Variants in TANC2 observed in about 807,000 individuals in gnomAD.
TANC2 encodes tetratricopeptide repeat, ankyrin repeat and coiled-coil containing 2, also known as protein TANC2.
A neutral mutation model predicts 210.5 loss-of-function variants in TANC2; 26 were observed. The ratio of observed to expected loss-of-function variants is 0.12; its 90% CI spans 0.09 to 0.17. The LOEUF (loss-of-function observed/expected upper bound fraction) is 0.17. TANC2 is among the 10% of genes least tolerant of loss of function. TANC2 has a pLI of 1.00. For synonymous variants in TANC2, 931 were observed against 967.1 expected (o/e 0.96, Z 0.69); for missense variants, 2,129 against 2,608.9 (o/e 0.82, Z 4.01).
chr17:63,359,026 A>T (rs935671437), intron 14 of TANC2, among the ~76,000 whole-genome samples: 1 of 149,542 alleles, frequency 6.7e-6, no homozygotes, highest in Non-Finnish European at 1.5e-5. Context: ...GCCAGAGATT[A>T]AAAGACTACT....
At chr17:63,159,124 A>G (rs368271198) in intron 5 of TANC2, among the ~76,000 whole-genome samples, 1 of 152,298 alleles carries the variant, frequency 6.6e-6, no homozygotes. Context: ...GTGACATTCT[A>G]TCACTTTTTG....
At chr17:62,997,864 G>C (rs900753243) in intron 1 of TANC2, among the ~76,000 whole-genome samples, 16 of 152,074 alleles carry the variant, frequency 1.1e-4, no homozygotes, top group Non-Finnish European at 2.2e-4. Flanking sequence ...GAGAATAAAA[G>C]TAATATAAAA....
intron 9 of TANC2, among the ~76,000 whole-genome samples, chr17:63,309,022 A>G (rs974630397): frequency 8.5e-5 from 13 of 152,128 alleles, no homozygotes; most frequent in Non-Finnish European, 1.8e-4. Flanking sequence ...CTACTGTTTT[A>G]CTAAATTTTA....
Position 63,385,012 on chromosome 17 carries a change from G to A in TANC2, c.2692-3623G>A, listed in dbSNP as rs564724049. Among the ~76,000 whole-genome samples the A allele has an allele frequency of 1.2e-3, 178 of 152,208 alleles. 1 individual carries two copies. Among genetic ancestry groups the A allele is most frequent in the African/African-American group, 4.1e-3 (171 of 41,534 alleles). ...GAACTTTAGAGTAAAAACAGATTTGGCCTCTAATTCTAGCTCCAGGAGTTG... is the reference window on the plus strand; with the variant it reads ...GAACTTTAGAGTAAAAACAGATTTGACCTCTAATTCTAGCTCCAGGAGTTG... On this transcript the variant is annotated intron_variant, in intron 15 of 27. Coordinates refer to ENST00000689528, the Ensembl canonical transcript of TANC2.
chr17:63,039,102 G>T (rs184098771), intron 2 of TANC2, among the ~76,000 whole-genome samples: 2 of 152,224 alleles, frequency 1.3e-5, no homozygotes, highest in African/African-American at 4.8e-5. Flanking sequence ...AGGAAGGCCT[G>T]TTTATGCATT....
chr17:63,101,846 A>T (rs1378596912), intron 4 of TANC2, among the ~76,000 whole-genome samples: 1 of 152,198 alleles, frequency 6.6e-6, no homozygotes, highest in Non-Finnish European at 1.5e-5. Flanking sequence ...TTTTCAATTT[A>T]AGAAGGAGCC....
chr17:63,150,654 T>G (rs1005257524), intron 4 of TANC2: 6 of 152,208 alleles, frequency 3.9e-5, no homozygotes, highest in African/African-American at 1.4e-4. Flanking sequence ...TTTTGACTTC[T>G]TACATTAATA....
intron 5 of TANC2, among the ~76,000 whole-genome samples, chr17:63,175,789 A>G (rs1166770158): frequency 6.6e-6 from 1 of 152,224 alleles, no homozygotes; most frequent in Non-Finnish European, 1.5e-5. Context: ...TTGATCCAAA[A>G]TAAATAAACC....
At chr17:63,211,584 T>C (rs2041886411) in intron 7 of TANC2, among the ~76,000 whole-genome samples, 1 of 152,156 alleles carries the variant, frequency 6.6e-6, no homozygotes, top group South Asian at 2.1e-4. Context: ...GCTCTGCACT[T>C]CCAACTGCTA....
rs142486219 is a variant in TANC2, at chr17:63,063,575, T to TGTGTGTGTGTAG, written c.68-10368_68-10367insGTGTGTGTGTAG. Reference sequence around the variant, plus strand: ...GTGTGTGTGTGTGTGTGTGTGTGTGTAGATATATCTCTTACAGTATCACAC... The same window carrying TGTGTGTGTGTAG: ...GTGTGTGTGTGTGTGTGTGTGTGTGTGTGTGTGTGTAGAGATATATCTCTTACAGTATCACAC... On this transcript the variant is annotated intron_variant, in intron 2 of 27. Coordinates refer to ENST00000689528, the Ensembl canonical transcript of TANC2. Among the ~76,000 whole-genome samples, 365 of 132,566 alleles carry TGTGTGTGTGTAG rather than the reference T, an allele frequency of 2.8e-3. 5 individuals carry two copies. Among genetic ancestry groups the TGTGTGTGTGTAG allele is most frequent in the Middle Eastern group, 0.011 (3 of 262 alleles). 87.0% of individuals were successfully genotyped at this position (132,566 alleles called of 152,430 possible). A position where few individuals can be genotyped will look rare whatever the true frequency, so the allele number is the denominator to read the frequency against.
At chr17:63,057,846 A>G (rs1381044853) in intron 2 of TANC2, among the ~76,000 whole-genome samples, 2 of 152,136 alleles carry the variant, frequency 1.3e-5, no homozygotes, top group African/African-American at 4.8e-5. Flanking sequence ...ATGGGCATTT[A>G]GATTGATTCC....
chr17:63,124,189 TAA>T (rs1027664686), intron 4 of TANC2, among the ~76,000 whole-genome samples: 3 of 152,032 alleles, frequency 2.0e-5, no homozygotes, highest in Non-Finnish European at 4.4e-5. Flanking sequence ...AATTTAGGCA[TAA>T]GAGATCAGAG....
intron 9 of TANC2, among the ~76,000 whole-genome samples, chr17:63,281,031 G>A (rs1430776812): frequency 6.6e-6 from 1 of 151,880 alleles, no homozygotes; most frequent in Non-Finnish European, 1.5e-5. Flanking sequence ...TTGCCTTTTT[G>A]GACTAAGCCT....
chr17:63,066,295 C>A (rs139312233), intron 2 of TANC2, among the ~76,000 whole-genome samples: 2 of 151,970 alleles, frequency 1.3e-5, no homozygotes, highest in African/African-American at 4.8e-5. Context: ...AGCATCAGGT[C>A]CCTTGGAATG....
intron 11 of TANC2, among the ~76,000 whole-genome samples, chr17:63,323,509 C>G (rs1172663166): frequency 1.3e-5 from 2 of 152,130 alleles, no homozygotes; most frequent in Non-Finnish European, 2.9e-5. Context: ...CAGGGCCTTT[C>G]CTGGATATGT....
chr17:63,189,613 T>G (rs1416781588), intron 5 of TANC2, among the ~76,000 whole-genome samples: 1 of 152,206 alleles, frequency 6.6e-6, no homozygotes, highest in Non-Finnish European at 1.5e-5. Flanking sequence ...TATTTGCCTT[T>G]TTATGGTTGA....
At chr17:62,985,917 C>T (rs2032543877) in intron 1 of TANC2, among the ~76,000 whole-genome samples, 1 of 152,000 alleles carries the variant, frequency 6.6e-6, no homozygotes. Context: ...ATCATATTTC[C>T]TTGCTTTTTC....
At chr17:63,143,601 G>T (rs938579944) in intron 4 of TANC2, among the ~76,000 whole-genome samples, 8 of 152,036 alleles carry the variant, frequency 5.3e-5, no homozygotes, top group Non-Finnish European at 1.0e-4. Flanking sequence ...TATAATACAT[G>T]TTTTGAAATT....
At chr17:63,327,602 C>G (rs1295853514) in intron 11 of TANC2, among the ~76,000 whole-genome samples, 3 of 152,082 alleles carry the variant, frequency 2.0e-5, no homozygotes, top group Non-Finnish European at 4.4e-5. Context: ...ATAAATTGTT[C>G]TATATATAAA....
Sources: gnomAD v4.1 joint callset for allele counts (sites outside exome capture counted in the v4.1 genomes callset) on GRCh38, gnomAD v4.1.1 for gene constraint, MANE v1.5 for transcripts, NCBI Gene and HGNC (gene_info 2026-07-23, HGNC 2026-07-21) for gene names.